NKAIN2: variants seen among roughly 807,000 people sequenced by gnomAD.
NKAIN2 encodes the protein sodium/potassium-transporting ATPase subunit beta-1-interacting protein 2.
In NKAIN2, 14 loss-of-function variants were observed where a neutral mutation model predicts 32.6. That is an observed-to-expected ratio of 0.43 (90% CI 0.28 to 0.67). The LOEUF (loss-of-function observed/expected upper bound fraction) is 0.67, where lower values mean the gene tolerates loss of function less well. NKAIN2 is among the 30% of genes least tolerant of loss of function. NKAIN2 has a pLI of 0.17. For synonymous variants in NKAIN2, 80 were observed against 87.2 expected (o/e 0.92, Z 0.46); for missense variants, 198 against 258.3 (o/e 0.77, Z 1.60).
At chr6:124,772,693 AG>A (rs1778812941) in intron 4 of NKAIN2, among the ~76,000 whole-genome samples, 1 of 152,214 alleles carries the variant, frequency 6.6e-6, no homozygotes, top group Admixed American at 6.6e-5. Context: ...ATACAGTGAA[AG>A]TTGTGGAACG....
At chr6:124,147,534 C>T (rs781187010) in intron 1 of NKAIN2, among the ~76,000 whole-genome samples, 15 of 151,912 alleles carry the variant, frequency 9.9e-5, no homozygotes, top group Non-Finnish European at 1.8e-4. Flanking sequence ...TTTTCCAATA[C>T]GATTCTCAGA....
At chr6:124,531,924 T>C (rs1242338858) in intron 3 of NKAIN2, among the ~76,000 whole-genome samples, 1 of 152,160 alleles carries the variant, frequency 6.6e-6, no homozygotes, top group East Asian at 1.9e-4. Context: ...ACCTGCCTTG[T>C]CCTCCCAAAG....
chr6:123,895,759 A>G lies in NKAIN2; in HGVS notation c.54+91505A>G, dbSNP rs918956431. ...TAGAATATGGTGTGGTACAACACAG[A>G]TTCCAGACTTCATTTATAAAAGACA... On this transcript the variant is annotated intron_variant, in intron 1 of 6. Transcript: ENST00000368417. 3.9e-5 allele frequency among the ~76,000 whole-genome samples: 6 copies of G among 152,234 alleles called. No homozygotes were observed. In the South Asian group the frequency reaches 6.2e-4, roughly 16 times the overall value.
At chr6:124,398,070 G>A (rs370813714) in intron 3 of NKAIN2, among the ~76,000 whole-genome samples, 1 of 151,400 alleles carries the variant, frequency 6.6e-6, no homozygotes, top group South Asian at 2.1e-4. Context: ...TCGCTAACAC[G>A]GTGAAACCCC....
At chr6:124,448,090 G>C (rs997291500) in intron 3 of NKAIN2, among the ~76,000 whole-genome samples, 2 of 152,094 alleles carry the variant, frequency 1.3e-5, no homozygotes, top group African/African-American at 4.8e-5. Flanking sequence ...AGGCTCTGCT[G>C]TTTGTCAACT....
At chr6:123,965,013 C>A (rs1243580429) in intron 1 of NKAIN2, among the ~76,000 whole-genome samples, 1 of 152,076 alleles carries the variant, frequency 6.6e-6, no homozygotes, top group African/African-American at 2.4e-5. Flanking sequence ...TATGAGATCC[C>A]TGTTTTCTGC....
chr6:124,455,403 T>C (rs1046140176), intron 3 of NKAIN2, among the ~76,000 whole-genome samples: 11 of 151,954 alleles, frequency 7.2e-5, no homozygotes, highest in Admixed American at 6.6e-4. Flanking sequence ...TTAGGAACTA[T>C]GAGTAGGGTT....
At position 124,538,264 on chromosome 6, in the gene NKAIN2, G is replaced by C. The variant is rs539480053; in HGVS notation, c.274-119922G>C. Among the ~76,000 whole-genome samples, 16 of 151,786 alleles carry C rather than the reference G, an allele frequency of 1.1e-4. No homozygotes were observed. In the South Asian group the frequency reaches 3.3e-3, roughly 32 times the overall value. Reference sequence around the variant, plus strand: ...TTATTTTTTTTGGTAAGTATCTGTAGGGAAGACTACCTTAGTTATTTTCTG... The same window carrying C: ...TTATTTTTTTTGGTAAGTATCTGTACGGAAGACTACCTTAGTTATTTTCTG... On this transcript the variant is annotated intron_variant, in intron 3 of 6. Coordinates refer to ENST00000368417, the MANE Select transcript of NKAIN2 (RefSeq NM_001040214.3).
At chr6:124,339,041 G>T (rs1797999093) in intron 2 of NKAIN2, among the ~76,000 whole-genome samples, 1 of 152,032 alleles carries the variant, frequency 6.6e-6, no homozygotes, top group Non-Finnish European at 1.5e-5. Context: ...GCAGAAATTG[G>T]CCGGACCCAG....
chr6:123,909,839 A>G (rs945667203), intron 1 of NKAIN2, among the ~76,000 whole-genome samples: 1 of 152,130 alleles, frequency 6.6e-6, no homozygotes, highest in Admixed American at 6.5e-5. Flanking sequence ...CTGTTTATTC[A>G]CTGCAGTATC....
At chr6:124,019,635 T>C (rs1780771240) in intron 1 of NKAIN2, among the ~76,000 whole-genome samples, 1 of 152,178 alleles carries the variant, frequency 6.6e-6, no homozygotes, top group Middle Eastern at 3.4e-3. Context: ...ATAATAAATA[T>C]TATGGATCAT....
At chr6:124,344,814 T>C (rs1225440570) in intron 2 of NKAIN2, among the ~76,000 whole-genome samples, 1 of 152,212 alleles carries the variant, frequency 6.6e-6, no homozygotes, top group African/African-American at 2.4e-5. Flanking sequence ...CCTAACTGAA[T>C]ACCCTTTATT....
rs538553414 is a variant in NKAIN2, at chr6:124,698,071, C to T, written c.474+39685C>T. Among the ~76,000 whole-genome samples the T allele has an allele frequency of 1.6e-3, 246 of 152,256 alleles. 1 individual carries two copies. Among genetic ancestry groups the T allele is most frequent in the Middle Eastern group, 3.4e-3 (1 of 292 alleles). On this transcript the variant is annotated intron_variant, in intron 4 of 6. Coordinates refer to ENST00000368417, the MANE Select transcript of NKAIN2 (RefSeq NM_001040214.3). Reference sequence around the variant, plus strand: ...TCAGACTGGCATAATTGTAGTCTTACTTCATTATTATTTTCCCAGGCTCCA... The same window carrying T: ...TCAGACTGGCATAATTGTAGTCTTATTTCATTATTATTTTCCCAGGCTCCA...
At chr6:124,671,043 A>T (rs925418971) in intron 4 of NKAIN2, among the ~76,000 whole-genome samples, 4 of 152,044 alleles carry the variant, frequency 2.6e-5, no homozygotes, top group African/African-American at 9.7e-5. Context: ...CAAACAATAT[A>T]TTTTTAGGGC....
intron 5 of NKAIN2, among the ~76,000 whole-genome samples, chr6:124,800,477 T>A (rs974380425): frequency 1.3e-5 from 2 of 152,174 alleles, no homozygotes; most frequent in Non-Finnish European, 2.9e-5. Context: ...TGGTTGGCGT[T>A]GTGTGGCAGG....
chr6:124,631,513 C>T (rs1783566149), intron 3 of NKAIN2, among the ~76,000 whole-genome samples: 1 of 152,122 alleles, frequency 6.6e-6, no homozygotes, highest in African/African-American at 2.4e-5. Flanking sequence ...AGAGGTTATA[C>T]AGGTCTTTGA....
intron 1 of NKAIN2, among the ~76,000 whole-genome samples, chr6:124,041,456 TTTTA>T (rs1781868571): frequency 6.6e-6 from 1 of 151,860 alleles, no homozygotes; most frequent in African/African-American, 2.4e-5. Flanking sequence ...CTATTGATAT[TTTTA>T]TTTGTTATTA....
intron 1 of NKAIN2, among the ~76,000 whole-genome samples, chr6:123,861,575 A>G (rs1209716118): frequency 1.3e-5 from 2 of 152,282 alleles, no homozygotes; most frequent in Admixed American, 1.3e-4. Context: ...TTTTATTGAG[A>G]GTCCATCCCT....
At chr6:124,574,883 C>G (rs995732096) in intron 3 of NKAIN2, among the ~76,000 whole-genome samples, 1 of 152,104 alleles carries the variant, frequency 6.6e-6, no homozygotes, top group South Asian at 2.1e-4. Flanking sequence ...CTGTTACCAT[C>G]GTAAAACATG....
Sources: allele counts gnomAD v4.1 joint callset (sites outside exome capture counted in the v4.1 genomes callset), GRCh38; gene constraint gnomAD v4.1.1; transcripts MANE v1.5; gene names NCBI Gene and HGNC (gene_info 2026-07-23, HGNC 2026-07-21).